The following WDR27 variants were observed in gnomAD, a reference collection of about 807,000 sequenced individuals.
WDR27 encodes the protein WD repeat domain 27.
A neutral mutation model predicts 114.4 loss-of-function variants in WDR27; 100 were observed. That is an observed-to-expected ratio of 0.87 (90% CI 0.74 to 1.03). The LOEUF (loss-of-function observed/expected upper bound fraction) is 1.03. WDR27 is among the 50% of genes least tolerant of loss of function. WDR27 has a pLI of 0.00. For synonymous variants in WDR27, 449 were observed against 423.1 expected (o/e 1.06, Z -0.75); for missense variants, 1,129 against 1,092.9 (o/e 1.03, Z -0.47).
At chr6:169,453,736 T>C (rs1583536330), downstream of WDR27, among the ~76,000 whole-genome samples, 1 of 152,354 alleles carries the variant, frequency 6.6e-6, no homozygotes, top group East Asian at 1.9e-4. Context: ...TCTTAAATTC[T>C]CTGTTGAAAA....
At chr6:169,457,095 G>A (rs530457136), downstream of WDR27, 16 of 164,810 alleles carry the variant, frequency 9.7e-5, no homozygotes, top group Non-Finnish European at 2.1e-4. Context: ...CAGAACCCAC[G>A]GGAAGAGGCC....
chr6:169,575,332 CTCCA>C (rs1485576506), intron 24 of WDR27, among the ~76,000 whole-genome samples: 2 of 126,374 alleles, frequency 1.6e-5, no homozygotes, highest in African/African-American at 2.8e-5. Flanking sequence ...CTCTCTCTCT[CTCCA>C]TCCATCCATC....
At chr6:169,507,100 A>C (rs1792097759) in intron 25 of WDR27, among the ~76,000 whole-genome samples, 1 of 152,246 alleles carries the variant, frequency 6.6e-6, no homozygotes, top group Admixed American at 6.5e-5. Context: ...GAGTCCTAAA[A>C]AACACTATTC....
intron 21 of WDR27, among the ~76,000 whole-genome samples, chr6:169,631,567 C>T (rs2128215077): frequency 6.6e-6 from 1 of 152,256 alleles, no homozygotes; most frequent in Admixed American, 6.5e-5. Flanking sequence ...CAGGCGTCCT[C>T]CTGGACTCCG....
intron 25 of WDR27, among the ~76,000 whole-genome samples, chr6:169,474,539 A>G (rs1160500724): frequency 1.2e-4 from 18 of 152,208 alleles, no homozygotes. Flanking sequence ...AAATAGCTGA[A>G]GAGAGAATTA....
chr6:169,695,489 C>T (rs1785663244), intron 1 of WDR27, among the ~76,000 whole-genome samples: 1 of 152,214 alleles, frequency 6.6e-6, no homozygotes, highest in Non-Finnish European at 1.5e-5. Context: ...ACAGACATCG[C>T]TTCTCTAATC....
chr6:169,593,873 A>G (rs1173910468), intron 23 of WDR27, among the ~76,000 whole-genome samples: 5 of 31,800 alleles, frequency 1.6e-4, no homozygotes, highest in African/African-American at 2.3e-4. Context: ...ACAAACAAAC[A>G]AACAAAAAAC....
At chr6:169,621,744 A>G (rs1813390682) in intron 21 of WDR27, among the ~76,000 whole-genome samples, 1 of 150,494 alleles carries the variant, frequency 6.6e-6, no homozygotes, top group Admixed American at 6.6e-5. Context: ...ATACATACAC[A>G]CACACACGCA....
At chr6:169,591,438 T>C (rs1370455933) in intron 23 of WDR27, among the ~76,000 whole-genome samples, 3 of 152,212 alleles carry the variant, frequency 2.0e-5, no homozygotes, top group Non-Finnish European at 4.4e-5. Flanking sequence ...GAAATAACTT[T>C]CCCTTACCAA....
intron 1 of WDR27, among the ~76,000 whole-genome samples, 192 bp downstream of exon 1, chr6:169,701,359 C>T (rs1327022040): frequency 6.6e-6 from 1 of 152,136 alleles, no homozygotes; most frequent in Non-Finnish European, 1.5e-5. Flanking sequence ...GTAGTTACCA[C>T]GCAGGTTGAA....
At chr6:169,548,366 TAAAC>T (rs1797716186) in intron 25 of WDR27, among the ~76,000 whole-genome samples, 1 of 152,258 alleles carries the variant, frequency 6.6e-6, no homozygotes, top group East Asian at 1.9e-4. Context: ...AAAACTATAA[TAAAC>T]AATAATTTAT....
At chr6:169,586,904 G>A (rs1804752964) in intron 23 of WDR27, among the ~76,000 whole-genome samples, 1 of 126,058 alleles carries the variant, frequency 7.9e-6, no homozygotes, top group Non-Finnish European at 1.6e-5. Flanking sequence ...CAGGGACAAA[G>A]TATCAATGGA....
the WDR27 span, among the ~76,000 whole-genome samples, chr6:169,438,229 ACTTTTT>A: frequency 8.0e-6 from 1 of 125,026 alleles, no homozygotes; most frequent in East Asian, 2.4e-4. Flanking sequence ...TTTTACTTTT[ACTTTTT>A]CTTTTTTTTT....
chr6:169,609,183 G>A (rs1474145559), intron 22 of WDR27, among the ~76,000 whole-genome samples: 9 of 151,998 alleles, frequency 5.9e-5, no homozygotes, highest in Admixed American at 3.9e-4. Context: ...CAGCTTTTCC[G>A]TGCTCATGGT....
intron 1 of WDR27, among the ~76,000 whole-genome samples, chr6:169,697,878 C>T (rs894985056): frequency 7.2e-5 from 11 of 152,116 alleles, no homozygotes; most frequent in Non-Finnish European, 1.0e-4. Flanking sequence ...AGTGGTCCCC[C>T]GGGCCCAGCT....
the WDR27 span, among the ~76,000 whole-genome samples, chr6:169,444,234 C>T: frequency 6.6e-6 from 1 of 152,172 alleles, no homozygotes; most frequent in Non-Finnish European, 1.5e-5. Context: ...AGTCTGCTAC[C>T]CACTCCATCA....
At chr6:169,662,584 G>A (rs1276739304) in intron 8 of WDR27, among the ~76,000 whole-genome samples, 160 bp from the exon 9 acceptor site, 5 of 152,092 alleles carry the variant, frequency 3.3e-5, no homozygotes, top group Non-Finnish European at 5.9e-5. Context: ...CCAGCATGAC[G>A]CGTGTGCACC....
chr6:169,528,988 TAAGAG>T (rs1421205744), intron 25 of WDR27, among the ~76,000 whole-genome samples: 3 of 152,158 alleles, frequency 2.0e-5, no homozygotes, highest in Non-Finnish European at 4.4e-5. Flanking sequence ...TAAAAAGTAT[TAAGAG>T]AAAATACTCA....
Position 169,659,055 on chromosome 6 carries a change from C to T in WDR27, c.1319+31G>A, listed in dbSNP as rs772488338. On this transcript the variant is annotated intron_variant, in intron 12 of 25. Transcript: ENST00000448612. This position sits in a 1 kb window ranked among gnomAD's most constrained non-coding sequence, Gnocchi z 4.3. Reference sequence around the variant, plus strand: ...CAGATGGCACTTATTGGTGAACACACACACACACTCCACACTTGAAGACAC... The same window carrying T: ...CAGATGGCACTTATTGGTGAACACATACACACACTCCACACTTGAAGACAC... 2 of 1,517,442 alleles carry T rather than the reference C, an allele frequency of 1.3e-6. No homozygotes were observed. Among genetic ancestry groups the T allele is most frequent in the Admixed American group, 2.3e-5 (1 of 42,562 alleles). The allele number at this position is 1,517,442 out of a possible 1,614,324, so 94.0% of individuals were successfully genotyped here. A position where few individuals can be genotyped will look rare whatever the true frequency, so the allele number is the denominator to read the frequency against.
Sources: allele counts gnomAD v4.1 joint callset (sites outside exome capture counted in the v4.1 genomes callset), GRCh38; gene constraint gnomAD v4.1.1; non-coding constraint Gnocchi (gnomAD v3.1); transcripts MANE v1.5; gene names NCBI Gene and HGNC (gene_info 2026-07-23, HGNC 2026-07-21).